Variants in EDIL3 observed in about 807,000 individuals in gnomAD.
EDIL3 encodes the protein EGF like and discoidin domains 3.
A neutral mutation model predicts 67.4 loss-of-function variants in EDIL3; 37 were observed. That is an observed-to-expected ratio of 0.55 (90% confidence interval 0.42 to 0.72). The LOEUF (loss-of-function observed/expected upper bound fraction) is 0.72, where lower values mean the gene tolerates loss of function less well. Ranked by LOEUF, EDIL3 falls within the 30% of genes least tolerant of loss-of-function variation. EDIL3 has a pLI of 0.00. For synonymous variants in EDIL3, 195 were observed against 196.3 expected, an observed-to-expected ratio of 0.99 and a Z score of 0.05; for missense variants, 527 against 586.3, an observed-to-expected ratio of 0.90 and a Z score of 1.04.
At chr5:84,048,890 A>G in intron 9 of EDIL3, among the ~76,000 whole-genome samples, 1 of 152,268 alleles carries the variant, frequency 6.6e-6, no homozygotes, top group East Asian at 1.9e-4. Context: ...CTTCACAATT[A>G]ATAGCATGAT....
chr5:84,020,031 T>C (rs1306796626), intron 9 of EDIL3, among the ~76,000 whole-genome samples: 1 of 134,070 alleles, frequency 7.5e-6, no homozygotes, highest in African/African-American at 2.7e-5. Flanking sequence ...TTCCTAAAGA[T>C]TAATAATGAA....
At chr5:84,137,171 G>A (rs979218427) in intron 5 of EDIL3, 70 bp downstream of exon 5, 2 of 1,030,294 alleles carry the variant, frequency 1.9e-6, no homozygotes, top group African/African-American at 3.7e-5. Context: ...ACATATATGT[G>A]TGTGTGTATA....
chr5:84,384,268 G>C (rs779231851), intron 1 of EDIL3, 40 bp downstream of exon 1: 1 of 1,601,158 alleles, frequency 6.2e-7, no homozygotes, highest in Non-Finnish European at 8.5e-7. Flanking sequence ...GGGACTCCCA[G>C]CCCATCCCTC....
rs569048866 is a variant in EDIL3 at position 84,016,935 on chromosome 5, T to C, written c.1137+43365A>G. Among the ~76,000 whole-genome samples the C allele has an allele frequency of 1.1e-4, 17 of 152,326 alleles. No homozygotes were observed. In the South Asian group the frequency reaches 2.5e-3, roughly 22 times the overall value. Reference sequence around the variant, plus strand: ...TCTGAAGTGCACTGATTGCTAGGGCTGGAAGCCTGAGACTAGACACTTAAA... The same window carrying C: ...TCTGAAGTGCACTGATTGCTAGGGCCGGAAGCCTGAGACTAGACACTTAAA... On this transcript the variant is annotated intron_variant, in intron 9 of 10. Transcript: ENST00000296591.
intron 9 of EDIL3, among the ~76,000 whole-genome samples, chr5:84,025,349 ACCGCCTGAGCTCCACCTCCTGTCAGAT>A (rs1406828862): frequency 6.6e-6 from 1 of 151,920 alleles, no homozygotes; most frequent in African/African-American, 2.4e-5. Flanking sequence ...CACTCCCATT[ACCGCCTGAGCTCCACCTCCTGTCAGAT>A]CAGCAGATCA....
intron 9 of EDIL3, among the ~76,000 whole-genome samples, chr5:84,014,506 A>G (rs1310528222): frequency 3.3e-5 from 5 of 152,120 alleles, no homozygotes; most frequent in Admixed American, 2.0e-4. Flanking sequence ...TTAGCCAGGC[A>G]TGATGACACG....
At chr5:84,148,188 G>C (rs1481404775) in intron 4 of EDIL3, among the ~76,000 whole-genome samples, 2 of 152,136 alleles carry the variant, frequency 1.3e-5, no homozygotes, top group Non-Finnish European at 2.9e-5. Flanking sequence ...CATATTGTTT[G>C]ATAGAGTGTT....
At chr5:84,099,826 A>G (rs1046156713) in intron 6 of EDIL3, among the ~76,000 whole-genome samples, 2 of 152,134 alleles carry the variant, frequency 1.3e-5, no homozygotes, top group Non-Finnish European at 2.9e-5. Flanking sequence ...TTTGCAATCT[A>G]TCCATCTCAC....
chr5:84,332,335 G>A (rs1006899038), intron 1 of EDIL3, among the ~76,000 whole-genome samples: 2 of 152,150 alleles, frequency 1.3e-5, no homozygotes, highest in African/African-American at 4.8e-5. Flanking sequence ...TAGTGCCACT[G>A]CACTCCAGCC....
At chr5:84,360,644 AG>A (rs749170580) in intron 1 of EDIL3, among the ~76,000 whole-genome samples, 2 of 152,194 alleles carry the variant, frequency 1.3e-5, no homozygotes, top group South Asian at 4.1e-4. Flanking sequence ...AAACATGGAA[AG>A]GAAAATAGAC....
At chr5:84,074,143 A>T (rs1340471029) in intron 6 of EDIL3, among the ~76,000 whole-genome samples, 1 of 151,376 alleles carries the variant, frequency 6.6e-6, no homozygotes, top group Non-Finnish European at 1.5e-5. Context: ...CTGGCTAGCC[A>T]TATGTAGAAA....
intron 5 of EDIL3, among the ~76,000 whole-genome samples, chr5:84,135,338 A>G (rs1389099575): frequency 6.6e-6 from 1 of 152,186 alleles, no homozygotes; most frequent in East Asian, 1.9e-4. Context: ...TACCCTGCCT[A>G]GACATGCTCT....
At position 84,064,787 on chromosome 5, in the gene EDIL3, T is replaced by C. The variant is rs192448414; in HGVS notation, c.865A>G (p.Ile289Val). Residue 289 changes from isoleucine (I) to valine (V), a missense_variant, in exon 8 of 11, where the codon ATA (isoleucine) becomes GTA (valine). Ile to Val is a conservative substitution (Grantham distance 29). Around this residue, in one of 2 missense-constraint regions of EDIL3, gnomAD observed 494 missense variants for 522.5 expected, o/e 0.95. Coordinates refer to ENST00000296591, the MANE Select transcript of EDIL3 (RefSeq NM_005711.5). ...TAGAGTCTTACATACTGAGCTTTTA[T>C]GGGGGGTGTGAAAGAGTTAGCATAT... ...TPYANSFTPPIKAQYVRLYPQ... is the reference protein window; with the variant it reads ...TPYANSFTPPVKAQYVRLYPQ... 9.5e-5 allele frequency: 153 copies of C among 1,613,936 alleles called. 1 individual carries two copies. In the East Asian group the frequency reaches 2.5e-3, roughly 27 times the overall value.
chr5:84,249,869 G>A (rs916253822), intron 2 of EDIL3, among the ~76,000 whole-genome samples: 6 of 152,000 alleles, frequency 3.9e-5, no homozygotes, highest in South Asian at 2.1e-4. Context: ...CAAGGTGGGT[G>A]GATCACCTGA....
At chr5:84,194,605 AT>A (rs967192229) in intron 3 of EDIL3, among the ~76,000 whole-genome samples, 3 of 151,970 alleles carry the variant, frequency 2.0e-5, no homozygotes, top group Non-Finnish European at 4.4e-5. Context: ...CCAATTAAAA[AT>A]GTTGAGCTAT....
chr5:83,961,669 T>C (rs1372701110), intron 10 of EDIL3, among the ~76,000 whole-genome samples: 5 of 151,072 alleles, frequency 3.3e-5, no homozygotes, highest in Admixed American at 2.6e-4. Flanking sequence ...ACTTATGAAG[T>C]TTAAAAAAAT....
intron 2 of EDIL3, among the ~76,000 whole-genome samples, chr5:84,232,691 T>C (rs16900995): frequency 0.088 from 13,408 of 152,228 alleles, 655 homozygotes; most frequent in Middle Eastern, 0.15. Context: ...TAGCAGTGCT[T>C]CCTTGATATG....
At chr5:84,311,024 C>T (rs1746376517) in intron 1 of EDIL3, among the ~76,000 whole-genome samples, 1 of 151,986 alleles carries the variant, frequency 6.6e-6, no homozygotes, top group Non-Finnish European at 1.5e-5. Flanking sequence ...CCATGAGATT[C>T]ATCAATATCA....
chr5:84,054,173 T>C (rs1335063230), intron 9 of EDIL3, among the ~76,000 whole-genome samples: 2 of 152,200 alleles, frequency 1.3e-5, no homozygotes, highest in Admixed American at 1.3e-4. Flanking sequence ...TCAGTAAATG[T>C]AATCCAGCAT....
Sources: allele counts gnomAD v4.1 joint callset (sites outside exome capture counted in the v4.1 genomes callset), GRCh38; gene constraint gnomAD v4.1.1; regional missense constraint gnomAD v4.1.1; transcripts MANE v1.5; gene names NCBI Gene and HGNC (gene_info 2026-07-23, HGNC 2026-07-21).